The following CAMKMT variants were observed in gnomAD, a reference collection of about 807,000 sequenced individuals.
CAMKMT encodes CaM KMT.
A neutral mutation model predicts 48.0 loss-of-function variants in CAMKMT; 53 were observed. The observed-to-expected ratio is 1.10, with a 90% confidence interval of 0.89 to 1.39. The LOEUF is 1.39. CAMKMT is among the 40% of genes most tolerant of loss of function. The pLI is 0.00. For synonymous variants in CAMKMT, 165 were observed against 152.3 expected (o/e 1.08, Z -0.61); for missense variants, 428 against 402.7 (o/e 1.06, Z -0.54).
chr2:44,419,564 G>A (rs775862641), intron 3 of CAMKMT, among the ~76,000 whole-genome samples: 34 of 152,278 alleles, frequency 2.2e-4, no homozygotes, highest in Non-Finnish European at 3.8e-4. Context: ...ATAGTAATTT[G>A]CATACATCTT....
intron 7 of CAMKMT, among the ~76,000 whole-genome samples, chr2:44,729,894 G>A (rs1023563117): frequency 5.3e-5 from 8 of 152,114 alleles, no homozygotes; most frequent in Non-Finnish European, 8.8e-5. Context: ...CTGCTGAATC[G>A]GAAACTCTGG....
chr2:44,772,011 T>G, intron 10 of CAMKMT, 25 bp from the exon 11 acceptor site: 5 of 1,557,550 alleles, frequency 3.2e-6, no homozygotes, highest in Non-Finnish European at 4.4e-6. Context: ...TCCCCTTACC[T>G]TTTTCTTTCT....
chr2:44,524,167 A>G (rs887962484), intron 3 of CAMKMT, among the ~76,000 whole-genome samples: 2 of 152,006 alleles, frequency 1.3e-5, no homozygotes, highest in Non-Finnish European at 2.9e-5. Context: ...CTTCCACTGA[A>G]CTCTATTGGT....
Position 44,400,830 on chromosome 2 carries a change from A to C in CAMKMT, c.376+10525A>C, listed in dbSNP as rs947551200. ...ATACTTATTTGAGTTAAAATTGTGA[A>C]ATGCATTTAAAAATTGAAATTGAAA... is the stretch of plus-strand genomic sequence containing the variant. On this transcript the variant is annotated intron_variant, in intron 3 of 10. Transcript: ENST00000378494. 5 of 150,842 alleles carry C rather than the reference A, an allele frequency of 3.3e-5. No homozygotes were observed. In the East Asian group the frequency reaches 5.8e-4, roughly 17 times the overall value. The allele number at this position is 150,842 out of a possible 1,614,324, so 9.3% of individuals were successfully genotyped here.
chr2:44,717,329 G>A (rs1678226786), intron 7 of CAMKMT, among the ~76,000 whole-genome samples: 1 of 151,994 alleles, frequency 6.6e-6, no homozygotes, highest in Non-Finnish European at 1.5e-5. Context: ...GTCTACTAAA[G>A]CACTTTCTAG....
intron 1 of CAMKMT, 67 bp from the exon 2 acceptor site, chr2:44,372,640 AATTTTGAAC>A (rs1679293708): frequency 7.3e-7 from 1 of 1,375,806 alleles, no homozygotes; most frequent in Non-Finnish European, 9.9e-7. Context: ...TTACCACTTA[AATTTTGAAC>A]ATTTTGAACA....
rs1039437454 is a variant in CAMKMT, at chr2:44,408,864, C to T, written c.376+18559C>T. On this transcript the variant is annotated intron_variant, in intron 3 of 10. Coordinates refer to ENST00000378494, the MANE Select transcript of CAMKMT (RefSeq NM_024766.5). ...CCAAGCAATTCTCCCACCCCAGCCT[C>T]CTGGGTAGCTGGGACTACAGGTGCA... is the stretch of plus-strand genomic sequence containing the variant. 5.9e-5 allele frequency among the ~76,000 whole-genome samples: 9 copies of T among 151,954 alleles called. No homozygotes were observed. The East Asian group carries it at 1.8e-3, about 30-fold the overall frequency.
At chr2:44,746,255 A>T (rs1347526436) in intron 8 of CAMKMT, among the ~76,000 whole-genome samples, 4 of 152,246 alleles carry the variant, frequency 2.6e-5, no homozygotes, top group Non-Finnish European at 4.4e-5. Context: ...TTCCCTGAAT[A>T]GCTAACCAGT....
At chr2:44,645,650 G>A (rs1364282786) in intron 3 of CAMKMT, among the ~76,000 whole-genome samples, 15 of 152,034 alleles carry the variant, frequency 9.9e-5, no homozygotes, top group African/African-American at 1.9e-4. Context: ...GTGAAACCCC[G>A]TCTCTACTAA....
At chr2:44,697,252 C>T (rs941114634) in intron 3 of CAMKMT, among the ~76,000 whole-genome samples, 4 of 151,832 alleles carry the variant, frequency 2.6e-5, no homozygotes, top group South Asian at 2.1e-4. Flanking sequence ...TACTGGAGGA[C>T]GTGTTACACT....
At chr2:44,581,675 A>C (rs1669572393) in intron 3 of CAMKMT, among the ~76,000 whole-genome samples, 1 of 152,202 alleles carries the variant, frequency 6.6e-6, no homozygotes, top group Non-Finnish European at 1.5e-5. Flanking sequence ...GAGCACTGTA[A>C]ATTTTATAGC....
At chr2:44,383,296 C>A (rs1680443807) in intron 2 of CAMKMT, among the ~76,000 whole-genome samples, 3 of 152,054 alleles carry the variant, frequency 2.0e-5, no homozygotes, top group African/African-American at 7.2e-5. Context: ...TCCCGAGAGG[C>A]TGGGACTACA....
At chr2:44,672,215 T>A (rs1343264704) in intron 3 of CAMKMT, among the ~76,000 whole-genome samples, 1 of 152,196 alleles carries the variant, frequency 6.6e-6, no homozygotes. Context: ...AATGGGGAGA[T>A]AGCCGCATGC....
intron 1 of CAMKMT, among the ~76,000 whole-genome samples, chr2:44,363,107 C>T (rs1048640488): frequency 6.6e-6 from 1 of 152,128 alleles, no homozygotes. Context: ...CCTTTTCATA[C>T]AGTGGTCTTT....
At chr2:44,684,584 C>T (rs537804511) in intron 3 of CAMKMT, among the ~76,000 whole-genome samples, 12 of 152,144 alleles carry the variant, frequency 7.9e-5, no homozygotes, top group African/African-American at 2.6e-4. Flanking sequence ...GATTAGAGAC[C>T]TGCATGTTTG....
chr2:44,397,067 A>G (rs910954264), intron 3 of CAMKMT, among the ~76,000 whole-genome samples: 3 of 152,004 alleles, frequency 2.0e-5, no homozygotes, highest in Non-Finnish European at 4.4e-5. Context: ...TCAAAAAAAA[A>G]AAAAAAAAGA....
At chr2:44,538,612 G>C (rs1474231100) in intron 3 of CAMKMT, among the ~76,000 whole-genome samples, 1 of 152,002 alleles carries the variant, frequency 6.6e-6, no homozygotes, top group Non-Finnish European at 1.5e-5. Flanking sequence ...GGACTTCAGG[G>C]ACTCAGGAGG....
intron 3 of CAMKMT, among the ~76,000 whole-genome samples, chr2:44,631,228 C>T (rs895377870): frequency 2.0e-5 from 3 of 151,972 alleles, no homozygotes; most frequent in African/African-American, 7.3e-5. Context: ...AGGGGAACAT[C>T]ACACTCTGGG....
chr2:44,733,701 G>GT (rs1679204146), intron 7 of CAMKMT, among the ~76,000 whole-genome samples: 1 of 151,956 alleles, frequency 6.6e-6, no homozygotes, highest in African/African-American at 2.4e-5. Flanking sequence ...ATGATCATAT[G>GT]TTTTTTCTTT....
Sources: gnomAD v4.1 joint callset for allele counts (sites outside exome capture counted in the v4.1 genomes callset) on GRCh38, gnomAD v4.1.1 for gene constraint, MANE v1.5 for transcripts, NCBI Gene and HGNC (gene_info 2026-07-23, HGNC 2026-07-21) for gene names.